SH3RF1: variants seen among roughly 807,000 people sequenced by gnomAD.
The protein encoded by SH3RF1 is E3 ubiquitin-protein ligase SH3RF1.
A neutral mutation model predicts 74.0 loss-of-function variants in SH3RF1; 32 were observed. The ratio of observed to expected loss-of-function variants is 0.43; its 90% CI spans 0.33 to 0.58. The LOEUF is 0.58. Among genes scored for constraint, SH3RF1 ranks in the 20% least tolerant of loss-of-function variants. The pLI, the probability that SH3RF1 is intolerant of heterozygous loss-of-function variation, is 0.05. For missense variants in SH3RF1, 954 were observed against 1,130.9 expected (o/e 0.84, Z 2.24); for synonymous variants, 396 against 439.6 (o/e 0.90, Z 1.24).
chr4:169,124,610 C>G lies in SH3RF1; in HGVS notation c.1180-2344G>C, dbSNP rs115893122. Among the ~76,000 whole-genome samples, 999 of 152,270 alleles carry G rather than the reference C, an allele frequency of 6.6e-3. 11 individuals are homozygous for G. The highest frequency in any genetic ancestry group is 0.023 in the African/African-American group (959 of 41,552). ...TCTTTTCCCAGTGCATGCATGTTTGCATGTGTAAATTTGTGTGTATGTGAG... is the reference window on the plus strand; with the variant it reads ...TCTTTTCCCAGTGCATGCATGTTTGGATGTGTAAATTTGTGTGTATGTGAG... On this transcript the variant is annotated intron_variant, in intron 6 of 11. Transcript: ENST00000284637.
At chr4:169,178,791 T>C (rs1469512573) in intron 2 of SH3RF1, among the ~76,000 whole-genome samples, 1 of 152,108 alleles carries the variant, frequency 6.6e-6, no homozygotes, top group Admixed American at 6.5e-5. Flanking sequence ...CATTCTTAGA[T>C]GCACAATCCA....
chr4:169,178,434 C>T (rs1016027670), intron 2 of SH3RF1, among the ~76,000 whole-genome samples: 2 of 144,544 alleles, frequency 1.4e-5, no homozygotes, highest in African/African-American at 5.2e-5. Flanking sequence ...ATTATTTAGC[C>T]CAGCTTCCTC....
chr4:169,267,744 A>C (rs777636451), intron 2 of SH3RF1, among the ~76,000 whole-genome samples: 29 of 152,326 alleles, frequency 1.9e-4, no homozygotes, highest in Non-Finnish European at 4.1e-4. Flanking sequence ...CCTGGTATCC[A>C]CATCTGCGAA....
At chr4:169,242,989 G>C (rs1350092250) in intron 2 of SH3RF1, among the ~76,000 whole-genome samples, 1 of 152,166 alleles carries the variant, frequency 6.6e-6, no homozygotes, top group Admixed American at 6.5e-5. Flanking sequence ...AATGCAGGTG[G>C]TCCTTGGACC....
chr4:169,110,363 A>G (rs1199715481), intron 10 of SH3RF1, among the ~76,000 whole-genome samples: 1 of 152,176 alleles, frequency 6.6e-6, no homozygotes, highest in Non-Finnish European at 1.5e-5. Flanking sequence ...AAAAATAATA[A>G]TAAAATAAAA....
intron 2 of SH3RF1, among the ~76,000 whole-genome samples, chr4:169,192,582 T>G (rs924341046): frequency 2.0e-5 from 3 of 152,052 alleles, no homozygotes; most frequent in Non-Finnish European, 4.4e-5. Context: ...GCGTGGAGAT[T>G]CCTTAAAGAA....
At chr4:169,151,574 G>C (rs1487212629) in intron 4 of SH3RF1, among the ~76,000 whole-genome samples, 2 of 152,180 alleles carry the variant, frequency 1.3e-5, no homozygotes, top group Non-Finnish European at 2.9e-5. Context: ...GATGAGGTGA[G>C]AGAAAGTCTG....
At chr4:169,174,737 A>C (rs1271682318) in intron 2 of SH3RF1, among the ~76,000 whole-genome samples, 2 of 152,020 alleles carry the variant, frequency 1.3e-5, no homozygotes, top group Non-Finnish European at 2.9e-5. Context: ...TTCTTCTTTT[A>C]AAGTTTTCTA....
chr4:169,111,580 C>T (rs1733247081), intron 10 of SH3RF1, among the ~76,000 whole-genome samples: 2 of 151,834 alleles, frequency 1.3e-5, no homozygotes. Flanking sequence ...CTTTTTATAA[C>T]AACAAAACAC....
chr4:169,208,621 C>T (rs1217948712), intron 2 of SH3RF1, among the ~76,000 whole-genome samples: 1 of 151,968 alleles, frequency 6.6e-6, no homozygotes, highest in East Asian at 1.9e-4. Flanking sequence ...TCTTAGTGCC[C>T]CAAGGAGAAG....
chr4:169,119,196 C>G (rs1471597146), intron 8 of SH3RF1, among the ~76,000 whole-genome samples: 1 of 151,768 alleles, frequency 6.6e-6, no homozygotes, highest in Non-Finnish European at 1.5e-5. Flanking sequence ...CTCCGCCTCC[C>G]AGGTTCAAGT....
chr4:169,163,104 A>G (rs80132442), intron 2 of SH3RF1, among the ~76,000 whole-genome samples: 2 of 33,618 alleles, frequency 5.9e-5, no homozygotes, highest in Admixed American at 5.1e-4. Context: ...GAGGGAGAGA[A>G]AAAAAAAAAC....
At chr4:169,117,175 T>C (rs1198021389) in intron 9 of SH3RF1, among the ~76,000 whole-genome samples, 1 of 152,048 alleles carries the variant, frequency 6.6e-6, no homozygotes, top group Non-Finnish European at 1.5e-5. Flanking sequence ...TAATCAGAAA[T>C]GATCAGCACA....
At chr4:169,234,850 C>T (rs574029912) in intron 2 of SH3RF1, among the ~76,000 whole-genome samples, 45 of 152,122 alleles carry the variant, frequency 3.0e-4, no homozygotes, top group African/African-American at 1.0e-3. Flanking sequence ...TGTTGGGGAG[C>T]GTGGCTGTCC....
At chr4:169,162,358 CTAA>C (rs1371826932) in intron 2 of SH3RF1, among the ~76,000 whole-genome samples, 3 of 152,320 alleles carry the variant, frequency 2.0e-5, no homozygotes, top group East Asian at 1.9e-4. Context: ...GCCATCACTA[CTAA>C]TGTTTCAACT....
intron 4 of SH3RF1, among the ~76,000 whole-genome samples, chr4:169,153,565 A>T (rs1223631154): frequency 1.3e-5 from 2 of 152,186 alleles, no homozygotes; most frequent in African/African-American, 4.8e-5. Flanking sequence ...AAGACAATCG[A>T]CATTACTGAA....
intron 2 of SH3RF1, among the ~76,000 whole-genome samples, chr4:169,241,245 A>G (rs1730905260): frequency 6.6e-6 from 1 of 152,230 alleles, no homozygotes; most frequent in Admixed American, 6.5e-5. Context: ...AAATAAATAA[A>G]TAAACAAACA....
chr4:169,253,331 G>A (rs1031561980), intron 2 of SH3RF1, among the ~76,000 whole-genome samples: 1 of 152,220 alleles, frequency 6.6e-6, no homozygotes, highest in African/African-American at 2.4e-5. Context: ...TTAGTCTCCT[G>A]AGAGAAGTAA....
At chr4:169,249,470 G>A (rs1731061805) in intron 2 of SH3RF1, among the ~76,000 whole-genome samples, 1 of 152,198 alleles carries the variant, frequency 6.6e-6, no homozygotes, top group Non-Finnish European at 1.5e-5. Flanking sequence ...CTCTAGAACT[G>A]TGAGAAATAA....
Sources: allele counts gnomAD v4.1 joint callset (sites outside exome capture counted in the v4.1 genomes callset), GRCh38; gene constraint gnomAD v4.1.1; transcripts MANE v1.5; gene names NCBI Gene and HGNC (gene_info 2026-07-23, HGNC 2026-07-21).